Variants in NHLRC2 observed in about 807,000 individuals in gnomAD.
NHLRC2 encodes the protein NHL repeat-containing protein 2.
Under a neutral mutation model 68.1 loss-of-function variants are expected in NHLRC2, and 33 were observed. That is an observed-to-expected ratio of 0.48 (90% confidence interval 0.37 to 0.65). The LOEUF (loss-of-function observed/expected upper bound fraction) is 0.65, where lower values mean the gene tolerates loss of function less well. NHLRC2 is among the 30% of genes least tolerant of loss of function. NHLRC2 has a pLI of 0.00. For synonymous variants in NHLRC2, 311 were observed against 309.6 expected (o/e 1.00, Z -0.05); for missense variants, 761 against 853.8 (o/e 0.89, Z 1.35).
intron 5 of NHLRC2, 98 bp downstream of exon 5, chr10:113,884,478 A>G: frequency 2.1e-6 from 2 of 938,462 alleles, no homozygotes; most frequent in South Asian, 3.4e-5. Flanking sequence ...ATTACTAGTT[A>G]TTTTATTTTA....
chr10:113,865,632 C>T (rs1253980814), intron 2 of NHLRC2, among the ~76,000 whole-genome samples: 1 of 131,654 alleles, frequency 7.6e-6, no homozygotes, highest in African/African-American at 2.9e-5. Context: ...TTCTGGGATA[C>T]ATGTGCTGAA....
intron 5 of NHLRC2, among the ~76,000 whole-genome samples, chr10:113,897,093 G>C (rs142202707): frequency 6.6e-6 from 1 of 151,626 alleles, no homozygotes; most frequent in Non-Finnish European, 1.5e-5. Flanking sequence ...ATTCATTTTC[G>C]TGGGCTTTCC....
At chr10:113,881,820 C>A (rs1253313953) in intron 4 of NHLRC2, among the ~76,000 whole-genome samples, 4 of 151,684 alleles carry the variant, frequency 2.6e-5, no homozygotes, top group Admixed American at 6.6e-5. Context: ...ACATTTCATC[C>A]CCCAAGTAAG....
chr10:113,877,564 T>C (rs1425690649), intron 3 of NHLRC2, among the ~76,000 whole-genome samples: 2 of 152,144 alleles, frequency 1.3e-5, no homozygotes, highest in African/African-American at 4.8e-5. Flanking sequence ...GTTCTATATC[T>C]CCCTGGTCTT....
chr10:113,913,527 A>T lies in NHLRC2; in HGVS notation c.*4991A>T, dbSNP rs919903161. The T allele has an allele frequency of 6.6e-6, 1 of 152,230 alleles. No individual in the cohort carries two copies. The highest frequency in any genetic ancestry group is 2.4e-5 in the African/African-American group (1 of 41,456). The allele number at this position is 152,230 out of a possible 1,614,324, so 9.4% of individuals were successfully genotyped here. A position where few individuals can be genotyped will look rare whatever the true frequency, so the allele number is the denominator to read the frequency against. On this transcript the variant is annotated 3_prime_UTR_variant, in exon 11 of 11. Coordinates refer to ENST00000369301, the MANE Select transcript of NHLRC2 (RefSeq NM_198514.4). ...TAGCTTTCCAGTGTTAGTTCTCAAC[A>T]GTGCTGTTTCAAAAGTTGTTTTAAA... is the stretch of plus-strand genomic sequence containing the variant.
Position 113,915,991 on chromosome 10 carries a change from G to A in NHLRC2, c.*7455G>A, listed in dbSNP as rs1846381557. 6.6e-6 allele frequency: 1 copy of A among 152,072 alleles called. No individual in the cohort carries two copies. The highest frequency in any genetic ancestry group is 2.4e-5 in the African/African-American group (1 of 41,408). The allele number at this position is 152,072 out of a possible 1,614,324, so 9.4% of individuals were successfully genotyped here. A position where few individuals can be genotyped will look rare whatever the true frequency, so the allele number is the denominator to read the frequency against. On this transcript the variant is annotated 3_prime_UTR_variant, in exon 11 of 11. Coordinates refer to ENST00000369301, the MANE Select transcript of NHLRC2 (RefSeq NM_198514.4). ...TGAAAAATATATGTTGAGGTAAATAGGGCAAAACATTAGTTGATAAATTAT... is the reference window on the plus strand; with the variant it reads ...TGAAAAATATATGTTGAGGTAAATAAGGCAAAACATTAGTTGATAAATTAT...
Sources: gnomAD v4.1 joint callset for allele counts (sites outside exome capture counted in the v4.1 genomes callset) on GRCh38, gnomAD v4.1.1 for gene constraint, MANE v1.5 for transcripts, NCBI Gene and HGNC (gene_info 2026-07-23, HGNC 2026-07-21) for gene names.